The following MAST4 variants were observed in gnomAD, a reference collection of about 807,000 sequenced individuals.
MAST4 encodes microtubule-associated serine/threonine-protein kinase 4.
A neutral mutation model predicts 162.7 loss-of-function variants in MAST4; 89 were observed. The observed-to-expected ratio is 0.55, with a 90% CI of 0.46 to 0.65. The LOEUF is 0.65. Ranked by LOEUF, MAST4 falls within the 30% of genes least tolerant of loss-of-function variation. MAST4 has a pLI of 0.00. For synonymous variants in MAST4, 1,479 were observed against 1,361.1 expected (o/e 1.09, Z -1.91); for missense variants, 3,153 against 3,374.0 (o/e 0.93, Z 1.62).
chr5:66,746,617 G>T (rs1037003088), intron 1 of MAST4, among the ~76,000 whole-genome samples: 3 of 152,206 alleles, frequency 2.0e-5, no homozygotes, highest in Non-Finnish European at 4.4e-5. Flanking sequence ...ATGGAAGGAA[G>T]ATGATGGGTG....
At chr5:66,746,264 A>AATCCTGTCTTTGTGGAGTCTT (rs1401504819) in intron 1 of MAST4, among the ~76,000 whole-genome samples, 1 of 152,230 alleles carries the variant, frequency 6.6e-6, no homozygotes, top group African/African-American at 2.4e-5. Flanking sequence ...AGGTTCTAAG[A>AATCCTGTCTTTGTGGAGTCTT]ATCCTGTCTT....
intron 4 of MAST4, among the ~76,000 whole-genome samples, chr5:66,954,042 A>C (rs1341392337): frequency 1.3e-5 from 2 of 152,116 alleles, no homozygotes; most frequent in African/African-American, 4.8e-5. Context: ...TCCACCATTA[A>C]TGCAGCAGTG....
At chr5:66,718,688 T>C (rs1433806386) in intron 1 of MAST4, among the ~76,000 whole-genome samples, 1 of 152,208 alleles carries the variant, frequency 6.6e-6, no homozygotes, top group East Asian at 1.9e-4. Context: ...TCTCCCCAAG[T>C]TTGTCTGGAT....
At chr5:66,870,757 C>G in intron 3 of MAST4, 1 of 471,234 alleles carries the variant, frequency 2.1e-6, no homozygotes, top group Non-Finnish European at 4.4e-6. Context: ...CGTTCACTCC[C>G]CATCTTCCAT....
rs183301490 is a variant in MAST4 at position 67,144,800 on chromosome 5, T to A, written c.2858+4T>A. ...GGAGTTCAGAATATTCTGAAATGTA[T>A]GTGAAATGCCTCTTAAGTAATATAA... On this transcript the variant is annotated splice_donor_region_variant and intron_variant, in intron 22 of 28. Transcript: ENST00000403625. The A allele has an allele frequency of 3.8e-6, 6 of 1,596,888 alleles. No homozygotes were observed. The East Asian group carries it at 1.4e-4, about 36-fold the overall frequency.
Position 66,632,216 on chromosome 5 carries a change from G to T in MAST4, c.363+35198G>T, listed in dbSNP as rs1371340341. 2.6e-5 allele frequency among the ~76,000 whole-genome samples: 4 copies of T among 152,168 alleles called. No individual in the cohort carries two copies. In the East Asian group the frequency reaches 7.7e-4, roughly 29 times the overall value. ...AGTTCTACTGTTGTCAGCTTCTGAA[G>T]GAAGCTGTTAGAAGTAATGCAGAAT... On this transcript the variant is annotated intron_variant, in intron 1 of 28. Coordinates refer to ENST00000403625, the MANE Select transcript of MAST4 (RefSeq NM_001164664.2).
rs565168193 is a variant in MAST4 at position 66,731,925 on chromosome 5, ACT to A, written c.364-27781_364-27780del. Reference sequence around the variant, plus strand: ...AGTAAGAACCCCATGGAGATCTGTGACTCTGTCCTCCTTCACCTTCCCTTCAG... The same window carrying A: ...AGTAAGAACCCCATGGAGATCTGTGACTGTCCTCCTTCACCTTCCCTTCAG... On this transcript the variant is annotated intron_variant, in intron 1 of 28. Coordinates refer to ENST00000403625, the MANE Select transcript of MAST4 (RefSeq NM_001164664.2). Among the ~76,000 whole-genome samples, 228 of 151,882 alleles carry A rather than the reference ACT, an allele frequency of 1.5e-3. 7 individuals carry two copies. The South Asian group carries it at 0.044, about 29-fold the overall frequency.
intron 12 of MAST4, among the ~76,000 whole-genome samples, chr5:67,117,971 T>A (rs1371771669): frequency 2.0e-5 from 3 of 152,204 alleles, no homozygotes; most frequent in African/African-American, 7.2e-5. Flanking sequence ...TAATAATAAA[T>A]AATCAACATT....
chr5:66,893,384 G>T (rs28406413), intron 3 of MAST4, among the ~76,000 whole-genome samples: 53,808 of 143,302 alleles, frequency 0.38, 10,464 homozygotes, highest in Non-Finnish European at 0.46. Flanking sequence ...TTTTTTTTTT[G>T]TGTGTGTGTG....
At chr5:66,986,598 A>ATT (rs1204443564) in intron 4 of MAST4, 19 of 185,166 alleles carry the variant, frequency 1.0e-4, no homozygotes, top group Non-Finnish European at 1.6e-4. Context: ...ATATGTATGA[A>ATT]TTTATATATA....
intron 1 of MAST4, among the ~76,000 whole-genome samples, chr5:66,615,762 A>G (rs1183362181): frequency 6.6e-6 from 1 of 152,136 alleles, no homozygotes; most frequent in Non-Finnish European, 1.5e-5. Context: ...GGGCTGTGAT[A>G]GCACCACTGC....
intron 4 of MAST4, among the ~76,000 whole-genome samples, chr5:66,996,482 C>CAAACTAGCTTA (rs1427043567): frequency 6.6e-6 from 1 of 152,052 alleles, no homozygotes; most frequent in African/African-American, 2.4e-5. Flanking sequence ...CAAATTATAA[C>CAAACTAGCTTA]AAACTAGCTT....
At chr5:66,775,526 G>T (rs1754559002) in intron 2 of MAST4, among the ~76,000 whole-genome samples, 1 of 152,200 alleles carries the variant, frequency 6.6e-6, no homozygotes, top group African/African-American at 2.4e-5. Context: ...AAGCATTGCT[G>T]AGGCAGTCAT....
At chr5:66,960,183 GAAA>G (rs1745835738) in intron 4 of MAST4, among the ~76,000 whole-genome samples, 1 of 152,200 alleles carries the variant, frequency 6.6e-6, no homozygotes, top group South Asian at 2.1e-4. Flanking sequence ...ACTGTCTGCA[GAAA>G]GAGACTGCAG....
At chr5:66,891,364 T>C (rs953058575) in intron 3 of MAST4, among the ~76,000 whole-genome samples, 6 of 152,170 alleles carry the variant, frequency 3.9e-5, no homozygotes, top group Admixed American at 3.9e-4. Flanking sequence ...TCTTCCTTGT[T>C]CCTGGCCCTC....
At chr5:67,122,034 T>C (rs1156595388) in intron 14 of MAST4, among the ~76,000 whole-genome samples, 1 of 152,160 alleles carries the variant, frequency 6.6e-6, no homozygotes, top group Non-Finnish European at 1.5e-5. Context: ...CCTTGATCCC[T>C]TTTTGTAGAC....
At chr5:66,950,694 C>T (rs901653883) in intron 4 of MAST4, among the ~76,000 whole-genome samples, 9 of 152,120 alleles carry the variant, frequency 5.9e-5, no homozygotes, top group African/African-American at 2.2e-4. Flanking sequence ...ATCTGTTAAT[C>T]GAAGCCTGGC....
intron 6 of MAST4, chr5:67,094,263 GT>G: frequency 1.4e-6 from 1 of 724,542 alleles, no homozygotes; most frequent in Non-Finnish European, 2.2e-6. Flanking sequence ...TTTATTGGAG[GT>G]TACACCCATG....
chr5:66,685,690 G>A (rs547837761), intron 1 of MAST4, among the ~76,000 whole-genome samples: 1 of 152,240 alleles, frequency 6.6e-6, no homozygotes, highest in African/African-American at 2.4e-5. Flanking sequence ...AGGAGAGAGA[G>A]CTTATTAGCA....
Sources: allele counts gnomAD v4.1 joint callset (sites outside exome capture counted in the v4.1 genomes callset), GRCh38; gene constraint gnomAD v4.1.1; transcripts MANE v1.5; gene names NCBI Gene and HGNC (gene_info 2026-07-23, HGNC 2026-07-21).